ITPR2: variants seen among roughly 807,000 people sequenced by gnomAD.
The protein encoded by ITPR2 is inositol 1,4,5-trisphosphate-gated calcium channel ITPR2.
In ITPR2, 207 loss-of-function variants were observed where a neutral mutation model predicts 317.1. The observed-to-expected ratio is 0.65, with a 90% CI of 0.58 to 0.73. ITPR2 has a LOEUF of 0.73. Among genes scored for constraint, ITPR2 ranks in the 30% least tolerant of loss-of-function variants. The probability of loss-of-function intolerance (pLI) is 0.00; values close to 1 mark genes in which losing one functional copy is unlikely to be tolerated. For synonymous variants in ITPR2, 1,156 were observed against 1,149.1 expected (o/e 1.01, Z -0.12); for missense variants, 2,613 against 3,284.0 (o/e 0.80, Z 4.99).
At chr12:26,590,802 G>A (rs1825476) in intron 32 of ITPR2, among the ~76,000 whole-genome samples, 109,657 of 152,018 alleles carry the variant, frequency 0.72, 41,094 homozygotes, top group Non-Finnish European at 0.83. Context: ...GCTTCAGGTC[G>A]GGCACAGTGG....
At chr12:26,710,719 G>A (rs1948630169) in intron 9 of ITPR2, among the ~76,000 whole-genome samples, 1 of 152,148 alleles carries the variant, frequency 6.6e-6, no homozygotes, top group African/African-American at 2.4e-5. Context: ...ACAGTTTTAC[G>A]AAGAAAACAT....
intron 28 of ITPR2, 112 bp downstream of exon 28, chr12:26,602,257 TG>T: frequency 8.8e-7 from 1 of 1,133,286 alleles, no homozygotes; most frequent in Non-Finnish European, 1.2e-6. Context: ...GGGCACCTGG[TG>T]GGTGATTTAT....
At position 26,632,074 on chromosome 12, in the gene ITPR2, TGC is replaced by T; in HGVS notation, c.2741-17_2741-16del. The stretch of plus-strand genomic sequence containing the variant: ...CACATTGTTTCCTGGCATGAGAAAA[TGC>T]CGTAAGTCAACACACACAACCCCTG... On this transcript the variant is annotated splice_polypyrimidine_tract_variant and intron_variant, in intron 21 of 56. Coordinates refer to ENST00000381340, the MANE Select transcript of ITPR2 (RefSeq NM_002223.4). The T allele has an allele frequency of 6.6e-7, 1 of 1,521,748 alleles. No individual in the cohort carries two copies. Among genetic ancestry groups the T allele is most frequent in the South Asian group, 1.3e-5 (1 of 75,190 alleles). 94.3% of individuals were successfully genotyped at this position (1,521,748 alleles called of 1,614,324 possible).
intron 44 of ITPR2, among the ~76,000 whole-genome samples, chr12:26,476,445 G>C (rs959454029): frequency 1.3e-5 from 2 of 152,166 alleles, no homozygotes; most frequent in Non-Finnish European, 2.9e-5. Flanking sequence ...ATCTCTACTA[G>C]AGTATGCACA....
chr12:26,428,037 C>A lies in ITPR2; in HGVS notation c.6821G>T (p.Cys2274Phe). 1 of 1,611,604 alleles carries A rather than the reference C, an allele frequency of 6.2e-7. No individual in the cohort carries two copies. Among genetic ancestry groups the A allele is most frequent in the Non-Finnish European group, 8.5e-7 (1 of 1,178,940 alleles). The change falls in exon 49 of 57, where the codon TGC (cysteine) becomes TTC (phenylalanine). Residue 2274 changes from cysteine (C) to phenylalanine (F), a missense_variant. Cys to Phe is a radical substitution (Grantham distance 205). Coordinates refer to ENST00000381340, the MANE Select transcript of ITPR2 (RefSeq NM_002223.4). ...SVLLWIAVAI[C>F]TSMLFFFSKP... The stretch of plus-strand genomic sequence containing the variant: ...GGAGAAGAAAAACAGCATAGATGTG[C>A]AGATCGCAACTGCTATCCAAAGAAG...
chr12:26,355,060 A>G (rs1938590513), intron 55 of ITPR2, among the ~76,000 whole-genome samples: 1 of 151,884 alleles, frequency 6.6e-6, no homozygotes, highest in Admixed American at 6.6e-5. Context: ...AGAATCAGAA[A>G]CTCCGGGGTT....
intron 55 of ITPR2, among the ~76,000 whole-genome samples, chr12:26,342,509 GGGGGC>G (rs1416827487): frequency 1.3e-3 from 93 of 71,910 alleles, no homozygotes; most frequent in South Asian, 2.5e-3. Context: ...GGGGGGGGGG[GGGGGC>G]GGGGGTCAGA....
chr12:26,617,416 G>T (rs768028906), intron 26 of ITPR2, among the ~76,000 whole-genome samples: 4 of 152,126 alleles, frequency 2.6e-5, no homozygotes, highest in African/African-American at 9.7e-5. Flanking sequence ...AATTGAATCA[G>T]TAGTCAAAGT....
chr12:26,403,810 G>C (rs1230183875), intron 52 of ITPR2, among the ~76,000 whole-genome samples: 1 of 152,086 alleles, frequency 6.6e-6, no homozygotes, highest in Non-Finnish European at 1.5e-5. Flanking sequence ...CAAGTGCCAG[G>C]GACAGAAAGC....
At chr12:26,482,515 A>G (rs1942565950) in intron 42 of ITPR2, among the ~76,000 whole-genome samples, 1 of 152,240 alleles carries the variant, frequency 6.6e-6, no homozygotes, top group South Asian at 2.1e-4. Context: ...GTTTTTATCA[A>G]CAACAAAACC....
At chr12:26,693,507 T>C (rs61922689) in intron 10 of ITPR2, among the ~76,000 whole-genome samples, 7,079 of 152,292 alleles carry the variant, frequency 0.046, 245 homozygotes, top group Non-Finnish European at 0.075. Flanking sequence ...TAAAATTGCA[T>C]AGTATTTGCA....
chr12:26,498,977 C>G (rs1362381122), intron 37 of ITPR2, among the ~76,000 whole-genome samples: 1 of 152,164 alleles, frequency 6.6e-6, no homozygotes, highest in Non-Finnish European at 1.5e-5. Context: ...TCTGGGATTA[C>G]AGACATGAAC....
chr12:26,804,536 A>G (rs1950610224), intron 1 of ITPR2, among the ~76,000 whole-genome samples: 1 of 152,174 alleles, frequency 6.6e-6, no homozygotes, highest in East Asian at 1.9e-4. Flanking sequence ...AAAAGGAAAT[A>G]AAAACAAGCA....
chr12:26,571,837 G>GC (rs1945168670), intron 34 of ITPR2, among the ~76,000 whole-genome samples: 1 of 152,196 alleles, frequency 6.6e-6, no homozygotes, highest in South Asian at 2.1e-4. Context: ...CTTAGAGAGT[G>GC]CTTCTGCTGA....
At chr12:26,360,066 A>C (rs1009912137) in intron 55 of ITPR2, among the ~76,000 whole-genome samples, 2 of 152,138 alleles carry the variant, frequency 1.3e-5, no homozygotes, top group African/African-American at 4.8e-5. Context: ...TGCAGGATGG[A>C]AGGACTCTAT....
intron 50 of ITPR2, 59 bp from the exon 51 acceptor site, chr12:26,415,557 A>G: frequency 1.7e-6 from 2 of 1,176,428 alleles, no homozygotes; most frequent in Non-Finnish European, 1.2e-6. Flanking sequence ...AAGGTGAACA[A>G]ACAAAAATAT....
At chr12:26,792,982 T>C (rs943733547) in intron 1 of ITPR2, among the ~76,000 whole-genome samples, 1 of 152,178 alleles carries the variant, frequency 6.6e-6, no homozygotes, top group African/African-American at 2.4e-5. Flanking sequence ...GACTATTACC[T>C]CCTTCTTTCT....
At chr12:26,496,133 A>G (rs963428297) in intron 37 of ITPR2, among the ~76,000 whole-genome samples, 4 of 152,226 alleles carry the variant, frequency 2.6e-5, no homozygotes, top group Non-Finnish European at 5.9e-5. Flanking sequence ...AGCATTATTT[A>G]AGGAATACTT....
At chr12:26,614,766 A>G (rs908555042) in intron 26 of ITPR2, among the ~76,000 whole-genome samples, 1 of 152,246 alleles carries the variant, frequency 6.6e-6, no homozygotes, top group African/African-American at 2.4e-5. Context: ...CTACAGAGAA[A>G]AAAAATCAGT....
Sources: gnomAD v4.1 joint callset for allele counts (sites outside exome capture counted in the v4.1 genomes callset) on GRCh38, gnomAD v4.1.1 for gene constraint, MANE v1.5 for transcripts, NCBI Gene and HGNC (gene_info 2026-07-23, HGNC 2026-07-21) for gene names.